Variants in ATXN2 observed in about 807,000 individuals in gnomAD.
ATXN2 encodes ataxin 2.
ATXN2 carries 37 observed loss-of-function variants against 138.6 expected under a neutral mutation model. The observed-to-expected ratio is 0.27, with a 90% CI of 0.21 to 0.35. The LOEUF is 0.35. Ranked by LOEUF, ATXN2 falls within the 10% of genes least tolerant of loss-of-function variation. The pLI is 1.00. For missense variants in ATXN2, 1,216 were observed against 1,480.3 expected, an observed-to-expected ratio of 0.82 and a Z score of 2.93; for synonymous variants, 549 against 543.7, an observed-to-expected ratio of 1.01 and a Z score of -0.13.
intron 5 of ATXN2, among the ~76,000 whole-genome samples, chr12:111,543,197 A>G (rs1336682035): frequency 1.3e-5 from 2 of 152,140 alleles, no homozygotes; most frequent in Non-Finnish European, 2.9e-5. Flanking sequence ...TCTGTGTCTT[A>G]ATAAACCACA....
intron 14 of ATXN2, among the ~76,000 whole-genome samples, chr12:111,509,288 T>G (rs944622288): frequency 6.6e-6 from 1 of 152,134 alleles, no homozygotes; most frequent in Non-Finnish European, 1.5e-5. Context: ...CAAATGACCA[T>G]CAAATAGTAA....
In ATXN2 at chr12:111,460,229, G is replaced by A. The variant is rs1033561340; in HGVS notation, c.2897-2870C>T. ...CCTGAGTAGCTAGGACTACAGGCGC[G>A]CCTGGCTAACTTTTTTGTATTTTTA... is the stretch of plus-strand genomic sequence containing the variant. On this transcript the variant is annotated intron_variant, in intron 21 of 24. Transcript: ENST00000673436. 9.2e-5 allele frequency among the ~76,000 whole-genome samples: 14 copies of A among 151,376 alleles called. No homozygotes were observed. The East Asian group carries it at 1.2e-3, about 13-fold the overall frequency.
chr12:111,501,547 T>C (rs1023584519), intron 14 of ATXN2, among the ~76,000 whole-genome samples: 16 of 152,212 alleles, frequency 1.1e-4, no homozygotes, highest in Non-Finnish European at 2.2e-4. Flanking sequence ...ACCAAGGCTC[T>C]TGGTGTCATG....
At chr12:111,524,247 A>G (rs1439845996) in intron 6 of ATXN2, among the ~76,000 whole-genome samples, 1 of 152,228 alleles carries the variant, frequency 6.6e-6, no homozygotes, top group Non-Finnish European at 1.5e-5. Context: ...TCAAAGTAGG[A>G]CATTTCAGGC....
chr12:111,457,156 A>C, intron 22 of ATXN2, 58 bp downstream of exon 22: 1 of 1,556,058 alleles, frequency 6.4e-7, no homozygotes, highest in Non-Finnish European at 8.7e-7. Context: ...ACCTGAAGAA[A>C]GCACTCAGAT....
intron 5 of ATXN2, among the ~76,000 whole-genome samples, chr12:111,533,424 C>T (rs914903286): frequency 6.6e-5 from 10 of 151,750 alleles, no homozygotes; most frequent in East Asian, 1.9e-4. Context: ...GTAAATGCTA[C>T]GGAAATAGTT....
intron 5 of ATXN2, among the ~76,000 whole-genome samples, chr12:111,550,363 T>C (rs2135783487): frequency 6.6e-6 from 1 of 152,222 alleles, no homozygotes; most frequent in South Asian, 2.1e-4. Context: ...TATTCACTCT[T>C]CCACATTTGG....
At position 111,452,716 on chromosome 12, in the gene ATXN2, A is replaced by C. The variant is rs1565997877; in HGVS notation, c.*96T>G. The C allele has an allele frequency of 1.5e-6, 2 of 1,338,146 alleles. No homozygotes were observed. The highest frequency in any genetic ancestry group is 2.1e-6 in the Non-Finnish European group (2 of 931,660). The allele number at this position is 1,338,146 out of a possible 1,614,324, so 82.9% of individuals were successfully genotyped here. On this transcript the variant is annotated 3_prime_UTR_variant, in exon 25 of 25. Transcript: ENST00000673436. The stretch of plus-strand genomic sequence containing the variant: ...AGAAATCAACATATATATTTTAAAA[A>C]CAAAATAAATGAAATTCTAGTTTTC...
intron 18 of ATXN2, 175 bp downstream of exon 18, chr12:111,485,088 CCT>C (rs754713577): frequency 3.0e-4 from 168 of 555,078 alleles, no homozygotes; most frequent in African/African-American, 1.1e-3. Flanking sequence ...TTTTTTCTCC[CCT>C]GTTTTTCTTC....
At position 111,552,920 on chromosome 12, in the gene ATXN2, T is replaced by C; in HGVS notation, c.406A>G (p.Thr136Ala). The C allele has an allele frequency of 6.4e-7, 1 of 1,556,892 alleles. No homozygotes were observed. Among genetic ancestry groups the C allele is most frequent in the South Asian group, 1.2e-5 (1 of 80,442 alleles). ...GTAAAAATTACCTTCGGACTGTAAG[T>C]TTTAAAAACTCCTTCATATATACCT... ...NGGIYEGVFK[T>A]YSPKCDLVLD... The change falls in exon 4 of 25, where the codon ACT becomes GCT. Residue 136 changes from threonine to alanine, a missense_variant. Physicochemically the swap from Thr to Ala is moderately conservative, Grantham distance 58. Around this residue, in one of 4 missense-constraint regions of ATXN2, gnomAD observed 401 missense variants for 528.1 expected, o/e 0.76. Transcript: ENST00000673436. The surrounding 1 kb of genome is among the most constrained non-coding windows in gnomAD (Gnocchi z 4.1).
chr12:111,457,131 G>A (rs1309789672), intron 22 of ATXN2, 83 bp downstream of exon 22: 7 of 1,490,860 alleles, frequency 4.7e-6, no homozygotes, highest in East Asian at 2.3e-5. Flanking sequence ...GTGTTCTGAC[G>A]ATGCGATACC....
chr12:111,496,151 TACAA>T (rs747789456), intron 14 of ATXN2, among the ~76,000 whole-genome samples: 22 of 151,714 alleles, frequency 1.5e-4, no homozygotes, highest in South Asian at 2.1e-4. Context: ...GAGACTCTGT[TACAA>T]ACAAACAAAC....
At position 111,453,925 on chromosome 12, in the gene ATXN2, C is replaced by CT. The variant is rs1874869723; in HGVS notation, c.3271-81dup. ...TGTCAACTGTGTTCCTTTCACTGGG[C>CT]TGGGACTCTCAGGAAAGGGCAACGG... On this transcript the variant is annotated intron_variant, in intron 23 of 24. Transcript: ENST00000673436. The surrounding 1 kb of genome is among the most constrained non-coding windows in gnomAD (Gnocchi z 5.4). 6.9e-7 allele frequency: 1 copy of CT among 1,447,854 alleles called. No individual in the cohort carries two copies. Among genetic ancestry groups the CT allele is most frequent in the African/African-American group, 1.4e-5 (1 of 70,814 alleles). The allele number at this position is 1,447,854 out of a possible 1,614,324, so 89.7% of individuals were successfully genotyped here. A position where few individuals can be genotyped will look rare whatever the true frequency, so the allele number is the denominator to read the frequency against.
chr12:111,521,495 A>G (rs778621566), intron 6 of ATXN2, among the ~76,000 whole-genome samples: 9 of 152,344 alleles, frequency 5.9e-5, no homozygotes, highest in Middle Eastern at 3.4e-3. Context: ...CCAAGGTCGG[A>G]CTATGGTACT....
At chr12:111,595,061 T>C (rs1884868229) in intron 1 of ATXN2, among the ~76,000 whole-genome samples, 1 of 152,174 alleles carries the variant, frequency 6.6e-6, no homozygotes, top group South Asian at 2.1e-4. Flanking sequence ...AAATGCAATT[T>C]TTCCTTTAAA....
chr12:111,455,501 A>G, intron 23 of ATXN2: 1 of 284,202 alleles, frequency 3.5e-6, no homozygotes, highest in South Asian at 4.2e-5. Flanking sequence ...GTCCAAGGCC[A>G]AGCCCTCTCA....
At chr12:111,594,538 T>C (rs1014182750) in intron 1 of ATXN2, among the ~76,000 whole-genome samples, 1 of 152,016 alleles carries the variant, frequency 6.6e-6, no homozygotes, top group Non-Finnish European at 1.5e-5. Flanking sequence ...AAAGAAGCAG[T>C]AAAAATACTA....
chr12:111,514,782 C>T (rs914326423), intron 10 of ATXN2, among the ~76,000 whole-genome samples: 1 of 152,184 alleles, frequency 6.6e-6, no homozygotes, highest in Non-Finnish European at 1.5e-5. Flanking sequence ...GCCACCATGC[C>T]TGGCTTCCAA....
chr12:111,547,974 C>A lies in ATXN2; in HGVS notation c.571+4306G>T, dbSNP rs544425595. Among the ~76,000 whole-genome samples the A allele has an allele frequency of 6.2e-4, 94 of 151,620 alleles. 1 individual carries two copies. The highest frequency in any genetic ancestry group is 1.0e-3 in the Non-Finnish European group (71 of 67,938). On this transcript the variant is annotated intron_variant, in intron 5 of 24. Transcript: ENST00000673436. ...TTGGGAGGCCCAGGTGGGTGGATCACCTAAGGTCAGGAGCTTGAAATCAGC... is the reference window on the plus strand; with the variant it reads ...TTGGGAGGCCCAGGTGGGTGGATCAACTAAGGTCAGGAGCTTGAAATCAGC...
Sources: gnomAD v4.1 joint callset for allele counts (sites outside exome capture counted in the v4.1 genomes callset) on GRCh38, gnomAD v4.1.1 for gene constraint, gnomAD v4.1.1 regional missense constraint, Gnocchi (gnomAD v3.1) non-coding constraint, MANE v1.5 for transcripts, NCBI Gene and HGNC (gene_info 2026-07-23, HGNC 2026-07-21) for gene names.